GPC6: variants seen among roughly 807,000 people sequenced by gnomAD.
GPC6 encodes glypican 6.
A neutral mutation model predicts 55.2 loss-of-function variants in GPC6; 14 were observed. The observed-to-expected ratio is 0.25, with a 90% CI of 0.17 to 0.40. The LOEUF is 0.40. Among genes scored for constraint, GPC6 ranks in the 10% least tolerant of loss-of-function variants. The pLI is 1.00. For synonymous variants in GPC6, 278 were observed against 259.6 expected, an observed-to-expected ratio of 1.07 and a Z score of -0.68; for missense variants, 641 against 708.5, an observed-to-expected ratio of 0.90 and a Z score of 1.08.
chr13:93,376,137 G>A (rs1236499599), intron 1 of GPC6, among the ~76,000 whole-genome samples: 2 of 150,186 alleles, frequency 1.3e-5, no homozygotes, highest in Non-Finnish European at 2.9e-5. Flanking sequence ...GAGGTTGCTT[G>A]CAGATGTTGT....
At chr13:94,336,625 TG>T (rs1192474066) in intron 6 of GPC6, among the ~76,000 whole-genome samples, 1 of 152,174 alleles carries the variant, frequency 6.6e-6, no homozygotes, top group Non-Finnish European at 1.5e-5. Flanking sequence ...GAAGGGTTGG[TG>T]CTCAATATAG....
intron 4 of GPC6, among the ~76,000 whole-genome samples, chr13:94,210,447 G>A (rs530027260): frequency 2.0e-5 from 3 of 152,078 alleles, no homozygotes; most frequent in East Asian, 1.9e-4. Flanking sequence ...ATAAGCCACC[G>A]TGCCTGGCAA....
chr13:94,363,032 C>T (rs957263342), intron 6 of GPC6, among the ~76,000 whole-genome samples: 3 of 152,108 alleles, frequency 2.0e-5, no homozygotes, highest in African/African-American at 7.2e-5. Flanking sequence ...CTAATGCTCT[C>T]CTTCCCCTTG....
At chr13:93,535,176 G>C (rs886152705) in intron 1 of GPC6, among the ~76,000 whole-genome samples, 1 of 152,104 alleles carries the variant, frequency 6.6e-6, no homozygotes, top group Non-Finnish European at 1.5e-5. Flanking sequence ...TTATATATTA[G>C]ACATATTATG....
intron 2 of GPC6, among the ~76,000 whole-genome samples, chr13:93,589,200 G>A (rs1877350748): frequency 6.6e-6 from 1 of 151,930 alleles, no homozygotes; most frequent in Admixed American, 6.6e-5. Context: ...GCTTTTTTCT[G>A]AAGCTTATTC....
At chr13:93,663,418 A>G (rs1881005674) in intron 2 of GPC6, among the ~76,000 whole-genome samples, 1 of 152,214 alleles carries the variant, frequency 6.6e-6, no homozygotes, top group Non-Finnish European at 1.5e-5. Context: ...AAAATCTAGC[A>G]GATGCTGAGA....
At chr13:93,948,239 C>G (rs1879101725) in intron 3 of GPC6, among the ~76,000 whole-genome samples, 1 of 152,136 alleles carries the variant, frequency 6.6e-6, no homozygotes, top group African/African-American at 2.4e-5. Flanking sequence ...TGATTATATT[C>G]CTCCTATCGT....
chr13:93,496,927 A>T (rs1045875840), intron 1 of GPC6, among the ~76,000 whole-genome samples: 1 of 152,052 alleles, frequency 6.6e-6, no homozygotes, highest in Admixed American at 6.6e-5. Context: ...CAGATTTATA[A>T]TTTTTTTTCC....
chr13:94,257,753 A>G (rs1221468214), intron 4 of GPC6, among the ~76,000 whole-genome samples: 2 of 152,202 alleles, frequency 1.3e-5, no homozygotes, highest in East Asian at 1.9e-4. Context: ...TTGCAGATAC[A>G]TCATTTTATT....
intron 2 of GPC6, among the ~76,000 whole-genome samples, chr13:93,756,570 G>A (rs1181487825): frequency 6.6e-6 from 1 of 152,106 alleles, no homozygotes; most frequent in Non-Finnish European, 1.5e-5. Flanking sequence ...GGGGTGTTAT[G>A]TTTGTTCTGT....
intron 1 of GPC6, among the ~76,000 whole-genome samples, chr13:93,397,122 A>G (rs1366996713): frequency 6.6e-6 from 1 of 152,194 alleles, no homozygotes; most frequent in Non-Finnish European, 1.5e-5. Flanking sequence ...AGATCCCCAG[A>G]GGAATTACTG....
chr13:94,002,545 A>G (rs1480355601), intron 3 of GPC6, among the ~76,000 whole-genome samples: 4 of 152,164 alleles, frequency 2.6e-5, no homozygotes, highest in African/African-American at 9.7e-5. Context: ...CTTATTACAC[A>G]TGAATTATCA....
Position 93,794,679 on chromosome 13 carries a change from G to A in GPC6, c.320-35475G>A, listed in dbSNP as rs562390754. On this transcript the variant is annotated intron_variant, in intron 2 of 8. Coordinates refer to ENST00000377047, the MANE Select transcript of GPC6 (RefSeq NM_005708.5). ...GGGATTATGACTGGTTGTGTGACCCGTCAGGGGGGATACTAATATGTTCAC... is the reference window on the plus strand; with the variant it reads ...GGGATTATGACTGGTTGTGTGACCCATCAGGGGGGATACTAATATGTTCAC... Among the ~76,000 whole-genome samples the A allele has an allele frequency of 7.0e-4, 107 of 152,200 alleles. 1 individual carries two copies. The highest frequency in any genetic ancestry group is 2.4e-3 in the African/African-American group (99 of 41,524).
chr13:94,272,462 T>C (rs886912716), intron 4 of GPC6, among the ~76,000 whole-genome samples: 1 of 114,826 alleles, frequency 8.7e-6, no homozygotes, highest in African/African-American at 4.9e-5. Context: ...TCTTTTCTTT[T>C]CTTTTTTTTT....
intron 2 of GPC6, among the ~76,000 whole-genome samples, chr13:93,634,938 C>A (rs567072251): frequency 1.3e-5 from 2 of 152,220 alleles, no homozygotes; most frequent in African/African-American, 4.8e-5. Context: ...CCACCACAAA[C>A]CTATGTAGAG....
intron 1 of GPC6, among the ~76,000 whole-genome samples, chr13:93,293,154 T>G (rs564097936): frequency 6.6e-6 from 1 of 152,076 alleles, no homozygotes; most frequent in East Asian, 1.9e-4. Flanking sequence ...GGCTAATTTT[T>G]TTCTATTTGT....
At chr13:94,316,069 G>T (rs949999879) in intron 6 of GPC6, among the ~76,000 whole-genome samples, 4 of 152,144 alleles carry the variant, frequency 2.6e-5, no homozygotes, top group African/African-American at 9.7e-5. Context: ...CACTTTAGAG[G>T]ATGACAGGCA....
chr13:93,393,107 GATAT>G (rs374414019), intron 1 of GPC6, among the ~76,000 whole-genome samples: 1,203 of 114,586 alleles, frequency 0.01, 9 homozygotes, highest in Middle Eastern at 0.024. Flanking sequence ...ATGTATATTT[GATAT>G]ATATATATAT....
intron 2 of GPC6, among the ~76,000 whole-genome samples, chr13:93,754,020 A>G (rs1884685138): frequency 6.6e-6 from 1 of 152,196 alleles, no homozygotes; most frequent in South Asian, 2.1e-4. Flanking sequence ...AGTATGTGAT[A>G]GAAGGAGCAG....
Sources: gnomAD v4.1 joint callset for allele counts (sites outside exome capture counted in the v4.1 genomes callset) on GRCh38, gnomAD v4.1.1 for gene constraint, MANE v1.5 for transcripts, NCBI Gene and HGNC (gene_info 2026-07-23, HGNC 2026-07-21) for gene names.